The following ZSCAN30 variants were observed in gnomAD, a reference collection of about 807,000 sequenced individuals.
ZSCAN30 encodes zinc finger and SCAN domain containing 30, also known as zinc finger and SCAN domain-containing protein 30.
In ZSCAN30, 37 loss-of-function variants were observed where a neutral mutation model predicts 44.3. The ratio of observed to expected loss-of-function variants is 0.84; its 90% CI spans 0.64 to 1.10. The LOEUF is 1.10. Among genes scored for constraint, ZSCAN30 ranks in the 50% least tolerant of loss-of-function variants. The pLI is 0.00. For missense variants in ZSCAN30, 549 were observed against 582.6 expected (o/e 0.94, Z 0.59); for synonymous variants, 181 against 204.6 (o/e 0.88, Z 0.98).
rs777458755 is a variant in ZSCAN30 at position 35,273,921 on chromosome 18, G to A, written c.-103-9466C>T. ...AAACTCCAGTGATTCTACTTCTATC[G>A]TCAATTGTTTCTGCTGGTTGTTCTT... On this transcript the variant is annotated intron_variant, in intron 1 of 3. Transcript: ENST00000333206. Among the ~76,000 whole-genome samples the A allele has an allele frequency of 1.4e-4, 21 of 152,208 alleles. 1 individual carries two copies. The highest frequency in any genetic ancestry group is 1.2e-3 in the South Asian group (6 of 4,826).
chr18:35,279,722 T>C (rs532570464), intron 1 of ZSCAN30, among the ~76,000 whole-genome samples: 49 of 152,300 alleles, frequency 3.2e-4, no homozygotes, highest in Admixed American at 1.2e-3. Context: ...AGTCCTATTT[T>C]ATAAAGACAC....
intron 2 of ZSCAN30, 127 bp downstream of exon 2, chr18:35,263,818 A>C: frequency 7.1e-7 from 1 of 1,412,214 alleles, no homozygotes. Flanking sequence ...CCAATGAGTG[A>C]ATAATTAATA....
chr18:35,277,196 C>T (rs1429511838), intron 1 of ZSCAN30, among the ~76,000 whole-genome samples: 4 of 152,188 alleles, frequency 2.6e-5, no homozygotes, highest in Admixed American at 6.5e-5. Flanking sequence ...AACTAACTTA[C>T]TTTTGATTTT....
intron 1 of ZSCAN30, among the ~76,000 whole-genome samples, chr18:35,287,024 CAACA>C (rs1452056043): frequency 2.0e-5 from 3 of 151,896 alleles, no homozygotes; most frequent in African/African-American, 7.2e-5. Flanking sequence ...ATTATATTAC[CAACA>C]AACAATCTGA....
intron 1 of ZSCAN30, among the ~76,000 whole-genome samples, chr18:35,277,664 A>C (rs2044389910): frequency 6.6e-6 from 1 of 152,156 alleles, no homozygotes; most frequent in Non-Finnish European, 1.5e-5. Context: ...AGCCAATTAA[A>C]CATCTTTCCT....
rs77505124 is a variant in ZSCAN30 at position 35,253,233 on chromosome 18, T to C, written c.*217A>G. On this transcript the variant is annotated 3_prime_UTR_variant, in exon 4 of 4. Transcript: ENST00000333206. ...ATGGGTTAGGCATTTCAAGGAAATA[T>C]CTACCATTCTTTTTGGAGAAGACTT... 2.1e-3 allele frequency: 925 copies of C among 434,024 alleles called. 14 individuals carry two copies. The highest frequency in any genetic ancestry group is 0.017 in the African/African-American group (838 of 50,154). 26.9% of individuals were successfully genotyped at this position (434,024 alleles called of 1,614,324 possible). A position where few individuals can be genotyped will look rare whatever the true frequency, so the allele number is the denominator to read the frequency against.
chr18:35,254,667 A>G (rs962403495), intron 3 of ZSCAN30: 1 of 495,318 alleles, frequency 2.0e-6, no homozygotes, highest in African/African-American at 1.9e-5. Context: ...TATTGGCGAT[A>G]AACCAGGAAG....
At chr18:35,280,493 C>A (rs1239035156) in intron 1 of ZSCAN30, among the ~76,000 whole-genome samples, 2 of 152,114 alleles carry the variant, frequency 1.3e-5, no homozygotes, top group Non-Finnish European at 2.9e-5. Flanking sequence ...AATGACCTTA[C>A]TGATAAAAAA....
intron 3 of ZSCAN30, chr18:35,257,948 C>A: frequency 5.1e-6 from 4 of 781,022 alleles, no homozygotes; most frequent in Non-Finnish European, 9.6e-6. Flanking sequence ...AAGAACACAT[C>A]GTCAATAAAT....
chr18:35,260,429 A>C (rs940965860), intron 3 of ZSCAN30: 13 of 152,192 alleles, frequency 8.5e-5, no homozygotes, highest in African/African-American at 2.9e-4. Context: ...TCTTTGAGGA[A>C]TCACCACACT....
chr18:35,263,878 C>G, intron 2 of ZSCAN30, 67 bp downstream of exon 2: 1 of 1,534,944 alleles, frequency 6.5e-7, no homozygotes, highest in Non-Finnish European at 8.8e-7. Context: ...GTCAATGCCC[C>G]AGTCATAATT....
At chr18:35,268,364 G>C (rs2044206903) in intron 1 of ZSCAN30, 1 of 152,164 alleles carries the variant, frequency 6.6e-6, no homozygotes, top group Admixed American at 6.6e-5. Flanking sequence ...AGAGATGAAA[G>C]AATACAGGTG....
chr18:35,287,719 G>C (rs1003270262), intron 1 of ZSCAN30, among the ~76,000 whole-genome samples: 4 of 151,890 alleles, frequency 2.6e-5, no homozygotes, highest in African/African-American at 9.7e-5. Context: ...TTTAGGCAAA[G>C]ATTTCTCAAA....
chr18:35,288,151 C>T (rs377313783), intron 1 of ZSCAN30, among the ~76,000 whole-genome samples: 8 of 152,290 alleles, frequency 5.3e-5, no homozygotes, highest in African/African-American at 9.6e-5. Context: ...AGGAATTACA[C>T]GCTTGGGCCA....
At chr18:35,274,847 C>G (rs886841121) in intron 1 of ZSCAN30, among the ~76,000 whole-genome samples, 1 of 152,130 alleles carries the variant, frequency 6.6e-6, no homozygotes, top group African/African-American at 2.4e-5. Flanking sequence ...CTCACTGTAC[C>G]AATAATGGAA....
chr18:35,257,836 C>A, intron 3 of ZSCAN30: 1 of 778,662 alleles, frequency 1.3e-6, no homozygotes, highest in Non-Finnish European at 2.4e-6. Flanking sequence ...ATGAAATGCT[C>A]CAAGGATTAG....
intron 1 of ZSCAN30, among the ~76,000 whole-genome samples, chr18:35,280,275 CAAAA>C (rs34002141): frequency 2.5e-5 from 3 of 122,394 alleles, no homozygotes; most frequent in Admixed American, 8.1e-5. Context: ...TACTTTGTCT[CAAAA>C]AAAAAAAAAA....
intron 1 of ZSCAN30, chr18:35,283,389 C>T (rs1295100367): frequency 6.6e-6 from 1 of 152,336 alleles, no homozygotes; most frequent in Non-Finnish European, 1.5e-5. Context: ...CTTTTCTAGT[C>T]AGAAACCTCT....
At chr18:35,273,269 T>C (rs2044315700) in intron 1 of ZSCAN30, among the ~76,000 whole-genome samples, 1 of 152,254 alleles carries the variant, frequency 6.6e-6, no homozygotes, top group African/African-American at 2.4e-5. Context: ...TACCCTTAAG[T>C]ACCTCAAATA....
Sources: allele counts gnomAD v4.1 joint callset (sites outside exome capture counted in the v4.1 genomes callset), GRCh38; gene constraint gnomAD v4.1.1; transcripts MANE v1.5; gene names NCBI Gene and HGNC (gene_info 2026-07-23, HGNC 2026-07-21).